EFCAB13: variants seen among roughly 807,000 people sequenced by gnomAD.
The protein encoded by EFCAB13 is EF-hand calcium binding domain 13.
EFCAB13 carries 91 observed loss-of-function variants against 110.2 expected under a neutral mutation model. That is an observed-to-expected ratio of 0.83 (90% CI 0.70 to 0.98). The LOEUF (loss-of-function observed/expected upper bound fraction) is 0.98. Ranked by LOEUF, EFCAB13 falls within the 50% of genes least tolerant of loss-of-function variation. The pLI is 0.00. For missense variants in EFCAB13, 968 were observed against 1,119.4 expected (o/e 0.86, Z 1.93); for synonymous variants, 323 against 369.9 (o/e 0.87, Z 1.45).
At position 47,403,905 on chromosome 17, in the gene EFCAB13, AT is replaced by A; in HGVS notation, c.2048del (p.Leu683CysfsTer6). ...EELQEVVLAADLLEGDMIAGK... is the reference protein window; with the variant it reads ...EELQEVVLAAXLLEGDMIAGK... The stretch of plus-strand genomic sequence containing the variant: ...TTACAGGAAGTTGTCTTAGCTGCTG[AT>A]TTGCTGGAAGGTGACATGATAGCTG... On this transcript the variant is annotated frameshift_variant, in exon 19 of 25. Coordinates refer to ENST00000331493, the MANE Select transcript of EFCAB13 (RefSeq NM_152347.5). LOFTEE classifies it high-confidence loss of function. The A allele has an allele frequency of 6.2e-7, 1 of 1,608,672 alleles. No homozygotes were observed. Among genetic ancestry groups the A allele is most frequent in the Non-Finnish European group, 8.5e-7 (1 of 1,177,730 alleles).
chr17:47,381,815 TG>T (rs2065648610), intron 14 of EFCAB13, among the ~76,000 whole-genome samples: 1 of 152,234 alleles, frequency 6.6e-6, no homozygotes. Flanking sequence ...TTCTTCTTTT[TG>T]CTTAGGATTG....
intron 14 of EFCAB13, among the ~76,000 whole-genome samples, chr17:47,388,545 T>C (rs1270523962): frequency 6.6e-6 from 1 of 152,190 alleles, no homozygotes; most frequent in Non-Finnish European, 1.5e-5. Context: ...ATCACACTTC[T>C]GGTTTCTAAG....
chr17:47,365,599 A>G lies in EFCAB13; in HGVS notation c.805+4078A>G, dbSNP rs549132823. 3.9e-5 allele frequency among the ~76,000 whole-genome samples: 6 copies of G among 152,326 alleles called. No individual in the cohort carries two copies. The East Asian group carries it at 1.2e-3, about 29-fold the overall frequency. ...AGAGTAACCATAGAACTTTAGGACTATAGTATGTAGTTGCTTGCTGTGCTT... is the reference window on the plus strand; with the variant it reads ...AGAGTAACCATAGAACTTTAGGACTGTAGTATGTAGTTGCTTGCTGTGCTT... On this transcript the variant is annotated intron_variant, in intron 10 of 24. Coordinates refer to ENST00000331493, the MANE Select transcript of EFCAB13 (RefSeq NM_152347.5).
intron 14 of EFCAB13, among the ~76,000 whole-genome samples, chr17:47,387,486 C>G (rs1007813502): frequency 6.6e-6 from 1 of 152,206 alleles, no homozygotes; most frequent in South Asian, 2.1e-4. Context: ...TTTGGGTCCT[C>G]TGTTGTTGTG....
At chr17:47,353,858 T>G in intron 9 of EFCAB13, among the ~76,000 whole-genome samples, 1 of 152,176 alleles carries the variant, frequency 6.6e-6, no homozygotes, top group East Asian at 1.9e-4. Context: ...TACATTTTTT[T>G]TCTTGTTTCA....
At chr17:47,351,906 T>G (rs1193363217) in intron 9 of EFCAB13, among the ~76,000 whole-genome samples, 3 of 148,622 alleles carry the variant, frequency 2.0e-5, no homozygotes, top group East Asian at 1.9e-4. Flanking sequence ...GTAGTTTTTT[T>G]TTTTTTTTTT....
rs74698799 is a variant in EFCAB13, at chr17:47,387,383, G to A, written c.1583-4054G>A. Among the ~76,000 whole-genome samples, 611 of 152,236 alleles carry A rather than the reference G, an allele frequency of 4.0e-3. 4 individuals are homozygous for A. The highest frequency in any genetic ancestry group is 4.5e-3 in the Non-Finnish European group (303 of 68,008). ...TGTTGATTTTCTTTCTGGATCATCT[G>A]TCCATTACTGAGAATGGTGTGTTGA... On this transcript the variant is annotated intron_variant, in intron 14 of 24. Coordinates refer to ENST00000331493, the MANE Select transcript of EFCAB13 (RefSeq NM_152347.5).
At chr17:47,403,128 A>G (rs368731221) in intron 18 of EFCAB13, among the ~76,000 whole-genome samples, 1 of 152,222 alleles carries the variant, frequency 6.6e-6, no homozygotes, top group South Asian at 2.1e-4. Context: ...GTGAGGCAGG[A>G]CATAAGACTT....
At chr17:47,367,838 G>A (rs1382186390) in intron 10 of EFCAB13, among the ~76,000 whole-genome samples, 4 of 152,174 alleles carry the variant, frequency 2.6e-5, no homozygotes, top group African/African-American at 9.7e-5. Context: ...GGGCAGTGCT[G>A]CAGGGAAGCT....
At chr17:47,415,330 A>G (rs1598758848) in intron 23 of EFCAB13, among the ~76,000 whole-genome samples, 1 of 152,278 alleles carries the variant, frequency 6.6e-6, no homozygotes, top group East Asian at 1.9e-4. Flanking sequence ...TGGCACATGT[A>G]TACATATGTA....
chr17:47,415,976 A>G (rs1481188739), intron 23 of EFCAB13, among the ~76,000 whole-genome samples: 1 of 152,090 alleles, frequency 6.6e-6, no homozygotes, highest in Non-Finnish European at 1.5e-5. Flanking sequence ...CCTACCAAAG[A>G]ACTCTTCATG....
rs570514976 is a variant in EFCAB13 at position 47,347,302 on chromosome 17, TATC to T, written c.518-501_518-499del. On this transcript the variant is annotated intron_variant, in intron 8 of 24. Transcript: ENST00000331493. ...CTAAAAAGACAAACAAAAATAGCAC[TATC>T]ATCAATTGCCTCTTTTCTGAAAATA... Among the ~76,000 whole-genome samples the T allele has an allele frequency of 9.2e-5, 14 of 152,238 alleles. No individual in the cohort carries two copies. In the East Asian group the frequency reaches 2.3e-3, roughly 25 times the overall value.
chr17:47,370,239 A>G (rs2065574090), intron 10 of EFCAB13, among the ~76,000 whole-genome samples, 198 bp from the exon 11 acceptor site: 1 of 152,192 alleles, frequency 6.6e-6, no homozygotes, highest in African/African-American at 2.4e-5. Context: ...ATTAAGGAGA[A>G]AAGACCATGG....
intron 18 of EFCAB13, among the ~76,000 whole-genome samples, chr17:47,402,871 T>G (rs2065786136): frequency 6.6e-6 from 1 of 152,082 alleles, no homozygotes; most frequent in Admixed American, 6.6e-5. Context: ...TGATTGAAGG[T>G]GGAACTAAAA....
chr17:47,382,575 T>A (rs2065652926), intron 14 of EFCAB13, among the ~76,000 whole-genome samples: 1 of 152,170 alleles, frequency 6.6e-6, no homozygotes, highest in South Asian at 2.1e-4. Flanking sequence ...AAGGGGTGCT[T>A]AATTTTATTG....
At chr17:47,434,130 G>A (rs1004347028) in intron 24 of EFCAB13, among the ~76,000 whole-genome samples, 1 of 151,952 alleles carries the variant, frequency 6.6e-6, no homozygotes, top group Non-Finnish European at 1.5e-5. Flanking sequence ...ACTTTTCATC[G>A]ATGATATGAT....
At chr17:47,346,049 TGTG>T (rs1284315604) in intron 8 of EFCAB13, among the ~76,000 whole-genome samples, 7 of 152,078 alleles carry the variant, frequency 4.6e-5, no homozygotes, top group Non-Finnish European at 1.5e-5. Flanking sequence ...AAAATTTTAT[TGTG>T]GTAAAAATAT....
intron 11 of EFCAB13, among the ~76,000 whole-genome samples, chr17:47,371,528 G>T (rs1010276998): frequency 6.6e-6 from 1 of 152,092 alleles, no homozygotes; most frequent in African/African-American, 2.4e-5. Context: ...TGGCTTTGTT[G>T]CTTTGTTGGG....
chr17:47,420,632 G>T (rs569233421), intron 23 of EFCAB13, among the ~76,000 whole-genome samples: 2 of 44,224 alleles, frequency 4.5e-5, no homozygotes, highest in Admixed American at 3.9e-4. Flanking sequence ...GCCTCTACCC[G>T]GCCGCGACCC....
Sources: allele counts gnomAD v4.1 joint callset (sites outside exome capture counted in the v4.1 genomes callset), GRCh38; gene constraint gnomAD v4.1.1; transcripts MANE v1.5; gene names NCBI Gene and HGNC (gene_info 2026-07-23, HGNC 2026-07-21).